The following OR6B3 variants were observed in gnomAD, a reference collection of about 807,000 sequenced individuals.
OR6B3 encodes the protein olfactory receptor family 6 subfamily B member 3.
For missense variants in OR6B3, 315 were observed against 427.4 expected (o/e 0.74, Z 2.32); for synonymous variants, 148 against 187.8 (o/e 0.79, Z 1.73).
chr2:240,046,209 C>T, intron 1 of OR6B3, 112 bp from the exon 3 acceptor site: 1 of 670,036 alleles, frequency 1.5e-6, no homozygotes, highest in Non-Finnish European at 2.5e-6. Context: ...CACGTGGCTC[C>T]CCAGAGCACC....
upstream of OR6B3, among the ~76,000 whole-genome samples, chr2:240,048,967 G>A (rs1698225672): frequency 1.3e-5 from 2 of 152,206 alleles, no homozygotes; most frequent in South Asian, 4.1e-4. Context: ...CCTCACCAGG[G>A]TGCCCAGAGA....
chr2:240,045,857 C>T lies in OR6B3; in HGVS notation c.216G>A (p.Trp72Ter), dbSNP rs761829402. The change falls in exon 2 of 2, where the codon TGG (tryptophan) becomes TGA (stop). Residue 72 changes from tryptophan (W) to a stop codon, truncating the protein, a stop_gained. Transcript: ENST00000641019. LOFTEE classifies it low-confidence loss of function (END_TRUNC). ...TCTTGGGGGTGATGTCAGACACGTA[C>T]CAGATCTCTAGGAAAGACATGGAGC... 15 of 1,612,686 alleles carry T rather than the reference C, an allele frequency of 9.3e-6. No individual in the cohort carries two copies. The South Asian group carries it at 1.6e-4, about 18-fold the overall frequency.
chr2:240,045,080 G>A, exon 2 of OR6B3: 7 of 1,577,844 alleles, frequency 4.4e-6, no homozygotes, highest in Non-Finnish European at 5.1e-6. Flanking sequence ...GGCCTCCTCA[G>A]AGAGGCTGGC....
the OR6B3 span, among the ~76,000 whole-genome samples, chr2:240,053,400 C>A: frequency 6.6e-6 from 1 of 152,186 alleles, no homozygotes; most frequent in African/African-American, 2.4e-5. The surrounding 1 kb of genome is among the most constrained non-coding windows in gnomAD (Gnocchi z 4.1). Context: ...GCAAGATGCA[C>A]CCTGCTCGCA....
upstream of OR6B3, among the ~76,000 whole-genome samples, chr2:240,047,575 T>C (rs1698210046): frequency 6.6e-6 from 1 of 152,252 alleles, no homozygotes; most frequent in Non-Finnish European, 1.5e-5. Flanking sequence ...GGGAAATGTT[T>C]TTATGGCAAC....
upstream of OR6B3, among the ~76,000 whole-genome samples, chr2:240,050,742 A>G (rs889191669): frequency 2.1e-5 from 2 of 96,456 alleles, no homozygotes; most frequent in African/African-American, 1.1e-4. Flanking sequence ...AAAAAAGGAA[A>G]AAAAAAAAAG....
exon 2 of OR6B3, chr2:240,045,936 A>G (rs1183826350): frequency 2.0e-6 from 3 of 1,526,134 alleles, no homozygotes; most frequent in African/African-American, 1.4e-5. Flanking sequence ...GACGGTGAGG[A>G]TGATGGCCAG....
upstream of OR6B3, among the ~76,000 whole-genome samples, chr2:240,047,779 T>G (rs749111781): frequency 6.6e-6 from 1 of 152,252 alleles, no homozygotes. Flanking sequence ...ATAGATTAAA[T>G]GACTGAATGA....
In OR6B3 at chr2:240,045,183, A is replaced by G. The variant is rs749661286; in HGVS notation, c.890T>C (p.Phe297Ser). 3.1e-6 allele frequency: 5 copies of G among 1,614,106 alleles called. 1 individual carries two copies. In the African/African-American group the frequency reaches 6.7e-5, roughly 22 times the overall value. Residue 297 changes from phenylalanine (F) to serine (S), a missense_variant, in exon 2 of 2, where the codon TTT (phenylalanine) becomes TCT (serine). By Grantham distance (155) the Phe-to-Ser change is radical. Coordinates refer to ENST00000641019, the Ensembl canonical transcript of OR6B3. The stretch of plus-strand genomic sequence containing the variant: ...GAAGGCTTTTTTCAAGGCATTCTTA[A>G]ATTCCTTATTCCTCAGGCAGTATAT...
At chr2:240,045,219 A>C (rs367860929) in exon 2 of OR6B3, 11 of 1,614,120 alleles carry the variant, frequency 6.8e-6, no homozygotes, top group Non-Finnish European at 8.5e-6. Flanking sequence ...CAAGGGGTTC[A>C]AGATGGGGGT....
the OR6B3 span, among the ~76,000 whole-genome samples, chr2:240,053,484 G>A: frequency 2.2e-4 from 33 of 152,134 alleles, no homozygotes; most frequent in Non-Finnish European, 4.3e-4. The surrounding 1 kb of genome is among the most constrained non-coding windows in gnomAD (Gnocchi z 4.1). Context: ...AGGGCAGGGC[G>A]CGAGGCAGGC....
chr2:240,048,163 T>C (rs1297369683), upstream of OR6B3, among the ~76,000 whole-genome samples: 1 of 152,198 alleles, frequency 6.6e-6, no homozygotes, highest in Non-Finnish European at 1.5e-5. Flanking sequence ...GTAGCAATAT[T>C]GTGCATAGGA....
upstream of OR6B3, among the ~76,000 whole-genome samples, chr2:240,051,388 A>G (rs1698254170): frequency 6.6e-6 from 1 of 152,212 alleles, no homozygotes; most frequent in Admixed American, 6.5e-5. Context: ...CTGAGTGAAG[A>G]CAGAAAGCTC....
At chr2:240,051,574 C>T (rs1029161451), upstream of OR6B3, among the ~76,000 whole-genome samples, 1 of 152,174 alleles carries the variant, frequency 6.6e-6, no homozygotes, top group Non-Finnish European at 1.5e-5. Flanking sequence ...ATACGAAAGC[C>T]TGATGAAGAT....
At chr2:240,048,258 G>A (rs891173561), upstream of OR6B3, among the ~76,000 whole-genome samples, 7 of 152,116 alleles carry the variant, frequency 4.6e-5, no homozygotes, top group South Asian at 2.1e-4. Flanking sequence ...AGTAGTATAC[G>A]TCGTAGAACT....
chr2:240,045,098 T>G, exon 2 of OR6B3: 3 of 1,598,530 alleles, frequency 1.9e-6, no homozygotes, highest in Non-Finnish European at 2.6e-6. Flanking sequence ...GGCTGTGTAT[T>G]TGGAGATGAA....
upstream of OR6B3, among the ~76,000 whole-genome samples, chr2:240,050,221 C>T (rs569329124): frequency 1.3e-5 from 2 of 152,156 alleles, no homozygotes; most frequent in East Asian, 1.9e-4. Context: ...CCAAGATGCA[C>T]GACAAAAAAC....
downstream of OR6B3, chr2:240,045,041 CG>C (rs1698159744): frequency 2.6e-6 from 4 of 1,514,150 alleles, no homozygotes; most frequent in South Asian, 5.4e-5. Context: ...TAAATAAATG[CG>C]GTACTACAAT....
chr2:240,050,776 G>C (rs965869890), upstream of OR6B3, among the ~76,000 whole-genome samples: 2 of 146,992 alleles, frequency 1.4e-5, no homozygotes, highest in African/African-American at 5.0e-5. Flanking sequence ...AGCAGCAGCA[G>C]ACTCTAGTAC....
Sources: gnomAD v4.1 joint callset for allele counts (sites outside exome capture counted in the v4.1 genomes callset) on GRCh38, gnomAD v4.1.1 for gene constraint, Gnocchi (gnomAD v3.1) non-coding constraint, MANE v1.5 for transcripts, NCBI Gene and HGNC (gene_info 2026-07-23, HGNC 2026-07-21) for gene names.